The following CPEB4 variants were observed in gnomAD, a reference collection of about 807,000 sequenced individuals.
CPEB4 encodes cytoplasmic polyadenylation element-binding protein 4.
Under a neutral mutation model 72.5 loss-of-function variants are expected in CPEB4, and 12 were observed. The ratio of observed to expected loss-of-function variants is 0.17; its 90% CI spans 0.11 to 0.27. CPEB4 has a LOEUF of 0.27. Among genes scored for constraint, CPEB4 ranks in the 10% least tolerant of loss-of-function variants. The pLI is 1.00. For missense variants in CPEB4, 614 were observed against 908.5 expected (o/e 0.68, Z 4.17); for synonymous variants, 302 against 326.3 (o/e 0.93, Z 0.80).
In CPEB4 at chr5:173,952,310, T is replaced by C. The variant is rs1366884219; in HGVS notation, c.1780+372T>C. Reference sequence around the variant, plus strand: ...CATCATTGTCTGAAAAGAAAAAAAGTCCTTCAAGAATAGATTCTGTATTGA... The same window carrying C: ...CATCATTGTCTGAAAAGAAAAAAAGCCCTTCAAGAATAGATTCTGTATTGA... On this transcript the variant is annotated intron_variant, in intron 8 of 9. Transcript: ENST00000265085. 5.9e-5 allele frequency among the ~76,000 whole-genome samples: 9 copies of C among 152,312 alleles called. No homozygotes were observed. In the South Asian group the frequency reaches 1.7e-3, roughly 28 times the overall value.
Position 173,915,738 on chromosome 5 carries a change from T to C in CPEB4, c.1207+5134T>C, listed in dbSNP as rs545917579. 3.3e-5 allele frequency among the ~76,000 whole-genome samples: 5 copies of C among 152,356 alleles called. No homozygotes were observed. In the South Asian group the frequency reaches 1.0e-3, roughly 32 times the overall value. On this transcript the variant is annotated intron_variant, in intron 2 of 9. Transcript: ENST00000265085. Reference sequence around the variant, plus strand: ...ATTATTTGGGGAATATTGTATCTTATTGTTATGCATGTTTTTTCTCGCTTA... The same window carrying C: ...ATTATTTGGGGAATATTGTATCTTACTGTTATGCATGTTTTTTCTCGCTTA...
At chr5:173,922,164 A>G (rs1029960936) in intron 2 of CPEB4, among the ~76,000 whole-genome samples, 1 of 152,184 alleles carries the variant, frequency 6.6e-6, no homozygotes, top group African/African-American at 2.4e-5. Flanking sequence ...AACATAAGAA[A>G]ATGGAAACAT....
chr5:173,938,660 C>T (rs965171428), intron 3 of CPEB4, among the ~76,000 whole-genome samples: 1 of 152,124 alleles, frequency 6.6e-6, no homozygotes, highest in Admixed American at 6.6e-5. Context: ...GGTAGATCAG[C>T]GTAACCCGAA....
chr5:173,913,436 G>A (rs1228798935), intron 2 of CPEB4, among the ~76,000 whole-genome samples: 1 of 152,096 alleles, frequency 6.6e-6, no homozygotes, highest in Admixed American at 6.5e-5. Context: ...AGCTTCAGGT[G>A]ATCCACCCAC....
intron 1 of CPEB4, among the ~76,000 whole-genome samples, chr5:173,902,149 G>A (rs933610003): frequency 4.6e-5 from 7 of 152,028 alleles, no homozygotes; most frequent in Admixed American, 4.6e-4. Context: ...ATTAATTATG[G>A]GCTCTACTGG....
chr5:173,932,318 A>C, intron 2 of CPEB4, 132 bp from the exon 3 acceptor site: 1 of 547,944 alleles, frequency 1.8e-6, no homozygotes. Context: ...ATTGATGAAC[A>C]TGCTGATTGA....
At chr5:173,953,029 G>T (rs1016900632) in intron 8 of CPEB4, 62 bp from the exon 9 acceptor site, 1 of 1,369,552 alleles carries the variant, frequency 7.3e-7, no homozygotes. Flanking sequence ...TTGATGAAAC[G>T]GTTGGTGAGC....
In CPEB4 at chr5:173,888,736, A is replaced by G; in HGVS notation, c.-998A>G. On this transcript the variant is annotated 5_prime_UTR_variant, in exon 1 of 10. Coordinates refer to ENST00000265085, the MANE Select transcript of CPEB4 (RefSeq NM_030627.4). The surrounding 1 kb of genome is among the most constrained non-coding windows in gnomAD (Gnocchi z 4.3). ...CGGAGAATCGAACTGAGGGAACTGAACAAACCGCCCCTGGGTCCCATGAGG... is the reference window on the plus strand; with the variant it reads ...CGGAGAATCGAACTGAGGGAACTGAGCAAACCGCCCCTGGGTCCCATGAGG... 2.6e-6 allele frequency: 1 copy of G among 387,274 alleles called. No homozygotes were observed. 24.0% of individuals were successfully genotyped at this position (387,274 alleles called of 1,614,324 possible). A position where few individuals can be genotyped will look rare whatever the true frequency, so the allele number is the denominator to read the frequency against.
intron 2 of CPEB4, among the ~76,000 whole-genome samples, chr5:173,929,249 T>C (rs1225312396): frequency 2.0e-5 from 3 of 152,220 alleles, no homozygotes; most frequent in Admixed American, 1.3e-4. Context: ...AATCTCATAA[T>C]AGAGTTAAGA....
intron 3 of CPEB4, among the ~76,000 whole-genome samples, chr5:173,939,830 G>A (rs1757768256): frequency 6.6e-6 from 1 of 151,218 alleles, no homozygotes; most frequent in Non-Finnish European, 1.5e-5. Flanking sequence ...ATCAAAACTA[G>A]GCTGGACACG....
rs976021573 is a variant in CPEB4 at position 173,898,807 on chromosome 5, G to T, written c.1125+7949G>T. ...TTCTCGTGCCTCAGCCTCTCCAGTA[G>T]CTGGGACTACAGGCATGTGCCACCA... On this transcript the variant is annotated intron_variant, in intron 1 of 9. Coordinates refer to ENST00000265085, the MANE Select transcript of CPEB4 (RefSeq NM_030627.4). 4.7e-4 allele frequency among the ~76,000 whole-genome samples: 72 copies of T among 152,174 alleles called. 1 individual carries two copies. The highest frequency in any genetic ancestry group is 2.9e-5 in the Non-Finnish European group (2 of 68,034).
intron 5 of CPEB4, among the ~76,000 whole-genome samples, chr5:173,946,266 A>G (rs537496301): frequency 2.6e-5 from 4 of 152,322 alleles, no homozygotes; most frequent in Admixed American, 2.0e-4. Flanking sequence ...CTCTGAATCA[A>G]TCTCCATCCT....
chr5:173,934,206 A>C (rs1439701361), intron 3 of CPEB4, among the ~76,000 whole-genome samples: 1 of 152,150 alleles, frequency 6.6e-6, no homozygotes, highest in Non-Finnish European at 1.5e-5. Flanking sequence ...AAAGTATACT[A>C]TTATGAGATT....
chr5:173,942,044 A>G (rs191238246), intron 3 of CPEB4, among the ~76,000 whole-genome samples: 3 of 152,284 alleles, frequency 2.0e-5, no homozygotes, highest in Non-Finnish European at 2.9e-5. Flanking sequence ...GTTAAGGGCC[A>G]CCTCAAATTC....
At chr5:173,939,945 C>T (rs1027942435) in intron 3 of CPEB4, among the ~76,000 whole-genome samples, 1 of 124,396 alleles carries the variant, frequency 8.0e-6, no homozygotes, top group Non-Finnish European at 1.7e-5. Flanking sequence ...AACCATGTCT[C>T]TAATAAAATA....
At chr5:173,899,196 C>T (rs114432647) in intron 1 of CPEB4, among the ~76,000 whole-genome samples, 2,318 of 152,202 alleles carry the variant, frequency 0.015, 32 homozygotes, top group Non-Finnish European at 0.022. Flanking sequence ...CTAGTGAACT[C>T]CCATGTATGT....
chr5:173,932,024 A>G (rs1034537206), intron 2 of CPEB4, among the ~76,000 whole-genome samples: 1 of 152,228 alleles, frequency 6.6e-6, no homozygotes, highest in East Asian at 1.9e-4. Flanking sequence ...AATTAAACCC[A>G]TTAGCCTGTC....
intron 1 of CPEB4, among the ~76,000 whole-genome samples, chr5:173,898,055 T>C (rs533739955): frequency 6.6e-6 from 1 of 152,348 alleles, no homozygotes; most frequent in East Asian, 1.9e-4. Context: ...TACAAGCGCA[T>C]TTTATATTGT....
At chr5:173,919,310 C>G (rs751913112) in intron 2 of CPEB4, among the ~76,000 whole-genome samples, 12 of 152,124 alleles carry the variant, frequency 7.9e-5, no homozygotes, top group Non-Finnish European at 1.8e-4. Context: ...AATCTCCACT[C>G]AGAAATGAAA....
Sources: gnomAD v4.1 joint callset for allele counts (sites outside exome capture counted in the v4.1 genomes callset) on GRCh38, gnomAD v4.1.1 for gene constraint, Gnocchi (gnomAD v3.1) non-coding constraint, MANE v1.5 for transcripts, NCBI Gene and HGNC (gene_info 2026-07-23, HGNC 2026-07-21) for gene names.